The following ESCO1 variants were observed in gnomAD, a reference collection of about 807,000 sequenced individuals.
ESCO1 encodes establishment of sister chromatid cohesion N-acetyltransferase 1.
In ESCO1, 33 loss-of-function variants were observed where a neutral mutation model predicts 83.5. That is an observed-to-expected ratio of 0.40 (90% CI 0.30 to 0.53). The LOEUF is 0.53. Among genes scored for constraint, ESCO1 ranks in the 20% least tolerant of loss-of-function variants. The pLI is 0.63. For synonymous variants in ESCO1, 332 were observed against 324.3 expected (o/e 1.02, Z -0.25); for missense variants, 855 against 968.0 (o/e 0.88, Z 1.55).
intron 7 of ESCO1, among the ~76,000 whole-genome samples, chr18:21,563,474 A>C (rs2038216270): frequency 6.6e-6 from 1 of 152,100 alleles, no homozygotes; most frequent in African/African-American, 2.4e-5. Flanking sequence ...CAGATTCCTA[A>C]GTAGCTGGGA....
At chr18:21,551,104 C>A (rs753596093) in intron 8 of ESCO1, among the ~76,000 whole-genome samples, 133 of 138,008 alleles carry the variant, frequency 9.6e-4, no homozygotes, top group Non-Finnish European at 1.0e-3. Flanking sequence ...AAGAGCAAAA[C>A]TCTGTCTCAA....
rs1324776446 is a variant in ESCO1, at chr18:21,532,644, T to A, written c.2204A>T (p.Glu735Val). 10 of 1,614,078 alleles carry A rather than the reference T, an allele frequency of 6.2e-6. No homozygotes were observed. The highest frequency in any genetic ancestry group is 7.6e-6 in the Non-Finnish European group (9 of 1,179,992). The change falls in exon 11 of 12, where the codon GAA becomes GTA. Residue 735 changes from glutamate to valine, a missense_variant. Glu to Val is a moderately radical substitution (Grantham distance 121). Around this residue, in one of 2 missense-constraint regions of ESCO1, gnomAD observed 129 missense variants for 268.5 expected, o/e 0.48. Transcript: ENST00000269214. ...EHIQWGYRVI[E>V]EKLPVIRSEE... ...TGACCTGATAACTGGAAGTTTCTCT[T>A]CTATAACTCTGTAGCCCTACAGGTG...
At chr18:21,570,890 T>G (rs1238544990) in intron 4 of ESCO1, among the ~76,000 whole-genome samples, 1 of 150,754 alleles carries the variant, frequency 6.6e-6, no homozygotes, top group East Asian at 2.0e-4. Context: ...GGCAGGAGAA[T>G]GGCGTGAACC....
chr18:21,565,772 A>T (rs2038251377), intron 6 of ESCO1, among the ~76,000 whole-genome samples: 1 of 151,976 alleles, frequency 6.6e-6, no homozygotes, highest in South Asian at 2.1e-4. Flanking sequence ...CCTTCTCTCT[A>T]AAAAAAGAAT....
At chr18:21,555,801 CA>C (rs564849669) in intron 8 of ESCO1, among the ~76,000 whole-genome samples, 126 of 152,032 alleles carry the variant, frequency 8.3e-4, no homozygotes, top group Non-Finnish European at 1.4e-3. Context: ...GACACTGTCC[CA>C]AAAGGAAAAA....
chr18:21,566,284 A>C, intron 5 of ESCO1, 78 bp from the exon 6 acceptor site: 1 of 1,351,500 alleles, frequency 7.4e-7, no homozygotes, highest in South Asian at 1.3e-5. Context: ...ATCATTATAC[A>C]TAAAGAAAAA....
At chr18:21,585,733 C>T (rs1252809661) in intron 1 of ESCO1, among the ~76,000 whole-genome samples, 3 of 152,212 alleles carry the variant, frequency 2.0e-5, no homozygotes, top group East Asian at 3.9e-4. Flanking sequence ...GCTGAGACCA[C>T]AGGTACATGC....
At chr18:21,568,143 A>G in intron 4 of ESCO1, 49 bp from the exon 5 acceptor site, 1 of 1,378,918 alleles carries the variant, frequency 7.3e-7, no homozygotes. Context: ...GGTTTTATCT[A>G]AATAAACTTT....
chr18:21,566,922 A>C (rs2038270021), intron 5 of ESCO1, among the ~76,000 whole-genome samples: 1 of 152,040 alleles, frequency 6.6e-6, no homozygotes, highest in Non-Finnish European at 1.5e-5. Context: ...TAAGCAATTC[A>C]TTTTATTTTC....
intron 2 of ESCO1, among the ~76,000 whole-genome samples, chr18:21,579,989 G>A (rs112184185): frequency 1.9e-3 from 289 of 150,598 alleles, no homozygotes; most frequent in African/African-American, 6.6e-3. Context: ...TCCGTCTCCC[G>A]GGTTCAAGCA....
intron 8 of ESCO1, 98 bp downstream of exon 8, chr18:21,560,760 CA>C (rs2038174093): frequency 6.9e-7 from 1 of 1,439,102 alleles, no homozygotes; most frequent in Non-Finnish European, 9.3e-7. Context: ...CTCTTAAAAA[CA>C]TAAATTTTTC....
At chr18:21,560,197 T>G (rs1183715864) in intron 8 of ESCO1, among the ~76,000 whole-genome samples, 1 of 152,048 alleles carries the variant, frequency 6.6e-6, no homozygotes, top group Admixed American at 6.6e-5. Flanking sequence ...TCACAAGATA[T>G]CTGAAATGGT....
Position 21,530,322 on chromosome 18 carries a change from TG to T in ESCO1, c.*20del. 1 of 1,551,204 alleles carries T rather than the reference TG, an allele frequency of 6.4e-7. No individual in the cohort carries two copies. Among genetic ancestry groups the T allele is most frequent in the Non-Finnish European group, 8.7e-7 (1 of 1,151,574 alleles). Reference sequence around the variant, plus strand: ...ATTCTCTTCAATAGATGTCTTCTAGTGGTGTAGGCAAGAATTTGTTTTACGT... The same window carrying T: ...ATTCTCTTCAATAGATGTCTTCTAGTGTGTAGGCAAGAATTTGTTTTACGT... On this transcript the variant is annotated 3_prime_UTR_variant, in exon 12 of 12. Coordinates refer to ENST00000269214, the MANE Select transcript of ESCO1 (RefSeq NM_052911.3).
intron 8 of ESCO1, among the ~76,000 whole-genome samples, chr18:21,547,147 C>T (rs1056697389): frequency 6.6e-6 from 1 of 152,040 alleles, no homozygotes; most frequent in African/African-American, 2.4e-5. Flanking sequence ...CTATATAATA[C>T]CCTGTATATC....
At chr18:21,582,639 A>C (rs890653590) in intron 2 of ESCO1, among the ~76,000 whole-genome samples, 2 of 152,270 alleles carry the variant, frequency 1.3e-5, no homozygotes, top group Non-Finnish European at 2.9e-5. Context: ...ACTGGCAAGA[A>C]ATAGCAAAAG....
intron 2 of ESCO1, among the ~76,000 whole-genome samples, chr18:21,580,137 A>G (rs1296773083): frequency 1.3e-5 from 2 of 151,896 alleles, no homozygotes; most frequent in African/African-American, 4.8e-5. Flanking sequence ...GACTTTAGGT[A>G]ATCCAACCGC....
At chr18:21,593,723 G>A (rs1248208920) in intron 1 of ESCO1, among the ~76,000 whole-genome samples, 1 of 151,340 alleles carries the variant, frequency 6.6e-6, no homozygotes, top group African/African-American at 2.4e-5. Context: ...GAACAAGAGA[G>A]AAGTACTGAC....
chr18:21,578,962 GTGA>G (rs1200606537), intron 2 of ESCO1, among the ~76,000 whole-genome samples: 12 of 152,286 alleles, frequency 7.9e-5, no homozygotes, highest in African/African-American at 2.9e-4. Flanking sequence ...CTGGGTTCAA[GTGA>G]TTCTCCTCCC....
intron 6 of ESCO1, among the ~76,000 whole-genome samples, chr18:21,565,268 G>C (rs1276092836): frequency 6.6e-6 from 1 of 152,174 alleles, no homozygotes; most frequent in East Asian, 1.9e-4. Context: ...ACTAAATACT[G>C]TTTGTTGTTA....
Sources: allele counts gnomAD v4.1 joint callset (sites outside exome capture counted in the v4.1 genomes callset), GRCh38; gene constraint gnomAD v4.1.1; regional missense constraint gnomAD v4.1.1; transcripts MANE v1.5; gene names NCBI Gene and HGNC (gene_info 2026-07-23, HGNC 2026-07-21).